Variants in MAPK10 observed in about 807,000 individuals in gnomAD.
MAPK10 encodes JNK3 alpha protein kinase.
A neutral mutation model predicts 59.3 loss-of-function variants in MAPK10; 25 were observed. That is an observed-to-expected ratio of 0.42 (90% CI 0.31 to 0.59). The LOEUF (loss-of-function observed/expected upper bound fraction) is 0.59. MAPK10 is among the 20% of genes least tolerant of loss of function. The probability of loss-of-function intolerance (pLI) is 0.15; values close to 1 mark genes in which losing one functional copy is unlikely to be tolerated. For synonymous variants in MAPK10, 190 were observed against 200.5 expected, an observed-to-expected ratio of 0.95 and a Z score of 0.44; for missense variants, 351 against 568.9, an observed-to-expected ratio of 0.62 and a Z score of 3.90.
At chr4:86,407,603 C>T (rs1744521489) in intron 1 of MAPK10, among the ~76,000 whole-genome samples, 1 of 152,128 alleles carries the variant, frequency 6.6e-6, no homozygotes, top group Non-Finnish European at 1.5e-5. Context: ...CTATTAAATG[C>T]TAGAGCTCCT....
At chr4:86,207,279 T>C (rs1259408222) in intron 2 of MAPK10, among the ~76,000 whole-genome samples, 6 of 151,638 alleles carry the variant, frequency 4.0e-5, no homozygotes, top group Non-Finnish European at 7.4e-5. Flanking sequence ...AGCCAGTTTT[T>C]CCAGCACCAT....
chr4:86,320,851 A>G (rs2095874759), intron 2 of MAPK10, among the ~76,000 whole-genome samples: 1 of 152,166 alleles, frequency 6.6e-6, no homozygotes, highest in South Asian at 2.1e-4. Context: ...TAAGGAAGGG[A>G]TCCAGTTTCA....
chr4:86,185,314 T>C (rs2077943956), intron 3 of MAPK10, among the ~76,000 whole-genome samples: 1 of 152,198 alleles, frequency 6.6e-6, no homozygotes, highest in South Asian at 2.1e-4. Flanking sequence ...TAGTTAGGAC[T>C]ATTTTTAAAA....
chr4:86,316,152 C>T (rs2095783568), intron 2 of MAPK10, among the ~76,000 whole-genome samples: 1 of 152,058 alleles, frequency 6.6e-6, no homozygotes, highest in African/African-American at 2.4e-5. Flanking sequence ...CGATGCAAAT[C>T]ATATCAAACA....
chr4:86,334,577 C>G (rs1719915766), intron 2 of MAPK10, among the ~76,000 whole-genome samples: 2 of 152,078 alleles, frequency 1.3e-5, no homozygotes, highest in African/African-American at 4.8e-5. Context: ...CAACTTTCAT[C>G]TCTTCAAATC....
intron 2 of MAPK10, among the ~76,000 whole-genome samples, chr4:86,309,470 C>G (rs1232377278): frequency 6.6e-6 from 1 of 152,170 alleles, no homozygotes; most frequent in East Asian, 1.9e-4. Flanking sequence ...CACCTGCAGC[C>G]TACATTCAAC....
intron 2 of MAPK10, among the ~76,000 whole-genome samples, chr4:86,241,498 C>T (rs1313389414): frequency 6.6e-6 from 1 of 151,952 alleles, no homozygotes; most frequent in Non-Finnish European, 1.5e-5. Context: ...TTATGAAGTC[C>T]CATATTTCTT....
At chr4:86,478,512 T>G (rs991803183) in intron 1 of MAPK10, among the ~76,000 whole-genome samples, 9 of 151,978 alleles carry the variant, frequency 5.9e-5, no homozygotes, top group African/African-American at 2.2e-4. Context: ...CTCTCTACAG[T>G]TCTCATAACT....
intron 1 of MAPK10, among the ~76,000 whole-genome samples, chr4:86,573,652 T>C (rs1196077382): frequency 6.6e-6 from 1 of 152,220 alleles, no homozygotes; most frequent in Non-Finnish European, 1.5e-5. Context: ...TGATTGAAAT[T>C]GCACAGATTC....
At chr4:86,083,147 G>A (rs937252555) in intron 9 of MAPK10, among the ~76,000 whole-genome samples, 10 of 152,122 alleles carry the variant, frequency 6.6e-5, no homozygotes, top group African/African-American at 2.4e-4. Context: ...GGGAGGCAGA[G>A]CAGGATGGCA....
chr4:86,170,455 C>T (rs2073758867), intron 3 of MAPK10, among the ~76,000 whole-genome samples: 1 of 152,002 alleles, frequency 6.6e-6, no homozygotes, highest in African/African-American at 2.4e-5. Context: ...GTTAAACCAA[C>T]AAAGATCAAA....
At chr4:86,190,184 T>C (rs2079338681) in intron 3 of MAPK10, among the ~76,000 whole-genome samples, 2 of 152,198 alleles carry the variant, frequency 1.3e-5, no homozygotes, top group Admixed American at 1.3e-4. Flanking sequence ...TTGATGTTCA[T>C]CAGGGATACT....
At chr4:86,487,270 CT>C (rs1189841961) in intron 1 of MAPK10, among the ~76,000 whole-genome samples, 2 of 151,404 alleles carry the variant, frequency 1.3e-5, no homozygotes, top group African/African-American at 2.4e-5. Flanking sequence ...AAGAGGATAC[CT>C]TTTTTTCTTA....
At chr4:86,407,645 A>C (rs1284385700) in intron 1 of MAPK10, among the ~76,000 whole-genome samples, 1 of 150,124 alleles carries the variant, frequency 6.7e-6, no homozygotes, top group Non-Finnish European at 1.5e-5. Context: ...AGCACATAGT[A>C]GGCACTCAAT....
chr4:86,237,319 T>G (rs200347835), intron 2 of MAPK10, among the ~76,000 whole-genome samples: 2 of 152,202 alleles, frequency 1.3e-5, no homozygotes, highest in Non-Finnish European at 2.9e-5. Flanking sequence ...TAAACATATG[T>G]GTGCATGTGT....
At chr4:86,050,484 G>A (rs1358381206) in intron 11 of MAPK10, among the ~76,000 whole-genome samples, 2 of 152,054 alleles carry the variant, frequency 1.3e-5, no homozygotes, top group Non-Finnish European at 2.9e-5. Context: ...GTGCTCTACT[G>A]TCTCCCAGTG....
chr4:86,386,019 G>T (rs369516627), intron 1 of MAPK10, among the ~76,000 whole-genome samples: 1 of 152,228 alleles, frequency 6.6e-6, no homozygotes, highest in East Asian at 1.9e-4. Flanking sequence ...GCAATTTATC[G>T]TCCAAGATCT....
At chr4:86,169,440 G>A (rs749472880) in intron 3 of MAPK10, among the ~76,000 whole-genome samples, 2 of 152,290 alleles carry the variant, frequency 1.3e-5, no homozygotes, top group Admixed American at 6.5e-5. Context: ...GAGCCGATGC[G>A]ATCAACTGGA....
chr4:86,108,033 T>C (rs183028038), intron 4 of MAPK10, among the ~76,000 whole-genome samples: 1 of 152,228 alleles, frequency 6.6e-6, no homozygotes, highest in Non-Finnish European at 1.5e-5. Context: ...TTAATTGCCA[T>C]AAAAGCACTG....
Sources: allele counts gnomAD v4.1 joint callset (sites outside exome capture counted in the v4.1 genomes callset), GRCh38; gene constraint gnomAD v4.1.1; transcripts MANE v1.5; gene names NCBI Gene and HGNC (gene_info 2026-07-23, HGNC 2026-07-21).